Variants in AGBL1 observed in about 807,000 individuals in gnomAD.
AGBL1 encodes the protein cytosolic carboxypeptidase 4.
AGBL1 carries 130 observed loss-of-function variants against 118.9 expected under a neutral mutation model. That is an observed-to-expected ratio of 1.09 (90% CI 0.95 to 1.26). The LOEUF (loss-of-function observed/expected upper bound fraction) is 1.26. AGBL1 is among the 50% of genes most tolerant of loss of function. AGBL1 has a pLI of 0.00. For synonymous variants in AGBL1, 555 were observed against 478.9 expected (o/e 1.16, Z -2.08); for missense variants, 1,584 against 1,298.1 (o/e 1.22, Z -3.38).
At chr15:86,382,518 G>A (rs549033751) in intron 17 of AGBL1, among the ~76,000 whole-genome samples, 2 of 152,018 alleles carry the variant, frequency 1.3e-5, no homozygotes, top group East Asian at 3.9e-4. Flanking sequence ...AATTCTAAAG[G>A]TGAATACATT....
At chr15:86,855,453 A>G (rs1014932960) in intron 22 of AGBL1, among the ~76,000 whole-genome samples, 8 of 152,200 alleles carry the variant, frequency 5.3e-5, no homozygotes, top group Non-Finnish European at 1.2e-4. Context: ...TAAGCAATCC[A>G]GCTATTTCTC....
intron 22 of AGBL1, among the ~76,000 whole-genome samples, chr15:86,770,899 C>T (rs1468849116): frequency 6.6e-6 from 1 of 152,070 alleles, no homozygotes; most frequent in African/African-American, 2.4e-5. Flanking sequence ...CAAACCTGGG[C>T]ACACAGCTAG....
intron 23 of AGBL1, among the ~76,000 whole-genome samples, chr15:86,943,301 T>C (rs1452015519): frequency 6.6e-6 from 1 of 152,214 alleles, no homozygotes; most frequent in African/African-American, 2.4e-5. Context: ...GTGGACTTTA[T>C]ATCCTGACAT....
rs2081208812 is a variant in AGBL1, at chr15:86,979,570, G to T, written c.3222-8417G>T. On this transcript the variant is annotated intron_variant, in intron 23 of 24. Transcript: ENST00000441037. Reference sequence around the variant, plus strand: ...GTGGCGCGATCTCGGCTCACTGCAAGCTCCGCCTCCCGGGTTCACGCCATT... The same window carrying T: ...GTGGCGCGATCTCGGCTCACTGCAATCTCCGCCTCCCGGGTTCACGCCATT... Among the ~76,000 whole-genome samples, 6 of 151,956 alleles carry T rather than the reference G, an allele frequency of 3.9e-5. No individual in the cohort carries two copies. The East Asian group carries it at 1.2e-3, about 30-fold the overall frequency.
At chr15:86,731,154 C>T (rs964038777) in intron 22 of AGBL1, among the ~76,000 whole-genome samples, 1 of 151,942 alleles carries the variant, frequency 6.6e-6, no homozygotes, top group Non-Finnish European at 1.5e-5. Flanking sequence ...AATCAGGGGT[C>T]AAAAAGAGAA....
chr15:86,218,394 A>G lies in AGBL1; in HGVS notation c.489-6520A>G, dbSNP rs531740590. Among the ~76,000 whole-genome samples, 3 of 152,298 alleles carry G rather than the reference A, an allele frequency of 2.0e-5. No homozygotes were observed. In the South Asian group the frequency reaches 6.2e-4, roughly 32 times the overall value. ...GTGAAGTGAATGTTAGGTTGCTGGT[A>G]TCTGGATGCTAAACATTGCAAGAAG... On this transcript the variant is annotated intron_variant, in intron 5 of 22. Transcript: ENST00000614907.
At chr15:86,526,134 CA>C (rs2083259154) in intron 19 of AGBL1, among the ~76,000 whole-genome samples, 1 of 152,088 alleles carries the variant, frequency 6.6e-6, no homozygotes, top group South Asian at 2.1e-4. Flanking sequence ...CACTAATTAT[CA>C]GGGATATGTA....
At chr15:86,696,431 G>C (rs2086261299) in intron 22 of AGBL1, among the ~76,000 whole-genome samples, 1 of 151,424 alleles carries the variant, frequency 6.6e-6, no homozygotes, top group East Asian at 2.0e-4. Flanking sequence ...CTTTTGCATG[G>C]AATGTCTTTT....
chr15:86,558,987 C>G (rs1354519870), intron 21 of AGBL1, among the ~76,000 whole-genome samples: 1 of 152,190 alleles, frequency 6.6e-6, no homozygotes, highest in Non-Finnish European at 1.5e-5. Context: ...TATGTTCTCT[C>G]TAAAGGCAAC....
chr15:86,204,730 C>T (rs1315413446), intron 5 of AGBL1, among the ~76,000 whole-genome samples: 1 of 152,158 alleles, frequency 6.6e-6, no homozygotes, highest in Non-Finnish European at 1.5e-5. Flanking sequence ...GCTGGGACTA[C>T]AGGCGTGCAC....
chr15:86,227,379 T>C (rs926692711), intron 6 of AGBL1, among the ~76,000 whole-genome samples: 7 of 152,272 alleles, frequency 4.6e-5, no homozygotes, highest in African/African-American at 1.7e-4. Flanking sequence ...TTTCTAACAC[T>C]AAATACTCAG....
At position 86,421,705 on chromosome 15, in the gene AGBL1, CCATCTCACATG is replaced by C. The variant is rs200274784; in HGVS notation, c.2555+24162_2555+24172del. On this transcript the variant is annotated intron_variant, in intron 18 of 22. Coordinates refer to ENST00000614907, the MANE Select transcript of AGBL1 (RefSeq NM_001386094.1). Reference sequence around the variant, plus strand: ...AATCGGTGTGCTGTATTCAGGAGACCCATCTCACATGCAAAGACACACATAGGCTCAAAATA... The same window carrying C: ...AATCGGTGTGCTGTATTCAGGAGACCCAAAGACACACATAGGCTCAAAATA... Among the ~76,000 whole-genome samples, 1,035 of 152,150 alleles carry C rather than the reference CCATCTCACATG, an allele frequency of 6.8e-3. 14 individuals carry two copies. Among genetic ancestry groups the C allele is most frequent in the African/African-American group, 0.022 (912 of 41,518 alleles).
intron 24 of AGBL1, among the ~76,000 whole-genome samples, chr15:87,015,976 C>G (rs1449803941): frequency 6.6e-6 from 1 of 152,162 alleles, no homozygotes; most frequent in African/African-American, 2.4e-5. Flanking sequence ...TTTAAGCAAT[C>G]TGAAGACTTC....
chr15:86,153,055 T>A (rs2077136597), intron 3 of AGBL1, among the ~76,000 whole-genome samples: 1 of 152,214 alleles, frequency 6.6e-6, no homozygotes, highest in East Asian at 1.9e-4. Context: ...GCTTTTACAC[T>A]GTTGGTGGGA....
intron 21 of AGBL1, among the ~76,000 whole-genome samples, chr15:86,609,581 T>A (rs1256444378): frequency 6.6e-6 from 1 of 152,188 alleles, no homozygotes; most frequent in Non-Finnish European, 1.5e-5. Context: ...GTTATAGAAC[T>A]CAATCATAGG....
At chr15:86,452,772 A>G (rs1257022970) in intron 18 of AGBL1, among the ~76,000 whole-genome samples, 1 of 151,930 alleles carries the variant, frequency 6.6e-6, no homozygotes, top group East Asian at 1.9e-4. Context: ...TCCCTGACCC[A>G]CCCTTGCTAT....
intron 1 of AGBL1, among the ~76,000 whole-genome samples, chr15:86,102,544 A>G (rs1896798046): frequency 6.6e-6 from 1 of 152,148 alleles, no homozygotes; most frequent in Non-Finnish European, 1.5e-5. Flanking sequence ...TATGAAGGAT[A>G]ACTTTGCTGT....
intron 22 of AGBL1, among the ~76,000 whole-genome samples, chr15:86,866,742 T>A (rs2079635934): frequency 1.3e-5 from 2 of 152,154 alleles, no homozygotes; most frequent in African/African-American, 2.4e-5. Flanking sequence ...TAGTCCCAGC[T>A]ACTCAGGGCT....
intron 5 of AGBL1, among the ~76,000 whole-genome samples, chr15:86,219,587 C>T (rs1597575584): frequency 6.6e-6 from 1 of 151,992 alleles, no homozygotes; most frequent in East Asian, 1.9e-4. Context: ...TCAGTCCTGC[C>T]ACTCAAAGAT....
Sources: gnomAD v4.1 joint callset for allele counts (sites outside exome capture counted in the v4.1 genomes callset) on GRCh38, gnomAD v4.1.1 for gene constraint, MANE v1.5 for transcripts, NCBI Gene and HGNC (gene_info 2026-07-23, HGNC 2026-07-21) for gene names.